Variants in FRYL observed in about 807,000 individuals in gnomAD.
FRYL encodes the protein protein furry homolog-like.
In FRYL, 150 loss-of-function variants were observed where a neutral mutation model predicts 351.2. The observed-to-expected ratio is 0.43, with a 90% CI of 0.37 to 0.49. FRYL has a LOEUF of 0.49. FRYL is among the 20% of genes least tolerant of loss of function. The pLI, the probability that FRYL is intolerant of heterozygous loss-of-function variation, is 0.00. For synonymous variants in FRYL, 1,153 were observed against 1,257.1 expected, an observed-to-expected ratio of 0.92 and a Z score of 1.75; for missense variants, 3,036 against 3,619.3, an observed-to-expected ratio of 0.84 and a Z score of 4.13.
intron 55 of FRYL, 66 bp from the exon 56 acceptor site, chr4:48,515,341 A>G (rs551586698): frequency 1.8e-5 from 20 of 1,136,506 alleles, no homozygotes; most frequent in African/African-American, 3.2e-5. Context: ...AACACAATAA[A>G]TAAGTATTGC....
In FRYL at chr4:48,622,143, G is replaced by A. The variant is rs373920723; in HGVS notation, c.174+983C>T. ...AAGCTATGAGGCACAATCATTTATA[G>A]TTTATTAATCATTTACAATAAAAAT... On this transcript the variant is annotated intron_variant, in intron 5 of 63. Transcript: ENST00000358350. 2.6e-4 allele frequency among the ~76,000 whole-genome samples: 39 copies of A among 152,178 alleles called. No individual in the cohort carries two copies. The East Asian group carries it at 4.8e-3, about 19-fold the overall frequency.
At chr4:48,663,006 A>G (rs1356862136) in intron 3 of FRYL, among the ~76,000 whole-genome samples, 1 of 152,194 alleles carries the variant, frequency 6.6e-6, no homozygotes, top group Non-Finnish European at 1.5e-5. Context: ...AAATCATGCA[A>G]GATGAAAACT....
At chr4:48,522,223 G>C (rs1209854925) in intron 54 of FRYL, among the ~76,000 whole-genome samples, 2 of 152,186 alleles carry the variant, frequency 1.3e-5, no homozygotes, top group Non-Finnish European at 2.9e-5. Flanking sequence ...TAAGAATACA[G>C]TGAGCTATGG....
intron 3 of FRYL, among the ~76,000 whole-genome samples, chr4:48,669,105 T>A (rs1038044082): frequency 6.6e-6 from 1 of 152,236 alleles, no homozygotes; most frequent in African/African-American, 2.4e-5. Context: ...TTTTAGTATG[T>A]TTTACTTGCT....
chr4:48,557,917 C>CA (rs1734490107), intron 33 of FRYL, among the ~76,000 whole-genome samples: 1 of 152,092 alleles, frequency 6.6e-6, no homozygotes, highest in African/African-American at 2.4e-5. Context: ...ACATTTTATA[C>CA]AAAATACTTT....
intron 15 of FRYL, among the ~76,000 whole-genome samples, chr4:48,594,858 C>T (rs1744275380): frequency 6.6e-6 from 1 of 152,176 alleles, no homozygotes. Flanking sequence ...CTTGTATTGG[C>T]TCATTAACAC....
chr4:48,548,095 A>G (rs1731779127), intron 40 of FRYL, among the ~76,000 whole-genome samples: 1 of 152,078 alleles, frequency 6.6e-6, no homozygotes, highest in Non-Finnish European at 1.5e-5. Flanking sequence ...TGTGCTTAGC[A>G]CATAACAGAA....
chr4:48,704,361 C>T (rs928486490), intron 2 of FRYL, among the ~76,000 whole-genome samples: 17 of 152,156 alleles, frequency 1.1e-4, no homozygotes, highest in African/African-American at 3.9e-4. Flanking sequence ...CAATGAGATT[C>T]CATCTGACAA....
chr4:48,765,691 C>A (rs1196511221), intron 1 of FRYL, among the ~76,000 whole-genome samples: 1 of 151,426 alleles, frequency 6.6e-6, no homozygotes, highest in African/African-American at 2.4e-5. Context: ...AAGGAAACAA[C>A]AAAATGAAAA....
At chr4:48,553,962 A>G (rs772113284) in intron 35 of FRYL, among the ~76,000 whole-genome samples, 16 of 152,230 alleles carry the variant, frequency 1.1e-4, no homozygotes, top group Non-Finnish European at 2.2e-4. Flanking sequence ...GGGGGTAGTA[A>G]TAGCACCTAC....
At chr4:48,548,510 G>C (rs1400016660) in intron 40 of FRYL, among the ~76,000 whole-genome samples, 180 bp downstream of exon 40, 1 of 152,130 alleles carries the variant, frequency 6.6e-6, no homozygotes, top group East Asian at 1.9e-4. Context: ...TTTGTTTGTG[G>C]TTAGAAGAGG....
intron 3 of FRYL, among the ~76,000 whole-genome samples, chr4:48,679,335 T>C (rs962948328): frequency 9.2e-5 from 14 of 152,134 alleles, no homozygotes; most frequent in Non-Finnish European, 1.8e-4. Context: ...GTAACTGGTA[T>C]TTTTTAAAAA....
chr4:48,571,112 G>A (rs529156691), intron 26 of FRYL, among the ~76,000 whole-genome samples, 194 bp from the exon 27 acceptor site: 2 of 152,198 alleles, frequency 1.3e-5, no homozygotes, highest in African/African-American at 4.8e-5. Context: ...GTCAAATAAG[G>A]TCACATGACA....
chr4:48,736,571 C>T (rs753484774), intron 1 of FRYL, among the ~76,000 whole-genome samples: 39 of 151,942 alleles, frequency 2.6e-4, no homozygotes, highest in Non-Finnish European at 4.9e-4. Flanking sequence ...ATAAACAGGC[C>T]GGGTACAGTG....
chr4:48,738,931 G>A (rs994955652), intron 1 of FRYL, among the ~76,000 whole-genome samples: 1 of 152,006 alleles, frequency 6.6e-6, no homozygotes, highest in Non-Finnish European at 1.5e-5. Flanking sequence ...AAGTTTATGT[G>A]GAAAGACAAA....
At chr4:48,627,785 A>G (rs1476111536) in intron 4 of FRYL, among the ~76,000 whole-genome samples, 1 of 152,096 alleles carries the variant, frequency 6.6e-6, no homozygotes, top group Non-Finnish European at 1.5e-5. Flanking sequence ...TTCAATATGT[A>G]AGTTTTTTTA....
At chr4:48,717,346 C>T (rs1768979365) in intron 1 of FRYL, among the ~76,000 whole-genome samples, 1 of 151,456 alleles carries the variant, frequency 6.6e-6, no homozygotes, top group African/African-American at 2.4e-5. Flanking sequence ...TATATGATTC[C>T]ATTTATATGA....
intron 1 of FRYL, among the ~76,000 whole-genome samples, chr4:48,755,465 A>T (rs1371357779): frequency 6.6e-6 from 1 of 152,214 alleles, no homozygotes; most frequent in Non-Finnish European, 1.5e-5. Flanking sequence ...GTATGCCTCA[A>T]CCAATCACAT....
chr4:48,654,704 T>C (rs1329629010), intron 3 of FRYL, among the ~76,000 whole-genome samples: 1 of 152,190 alleles, frequency 6.6e-6, no homozygotes, highest in African/African-American at 2.4e-5. Flanking sequence ...ATAGTCAAAA[T>C]GTCAATGAAT....
Sources: gnomAD v4.1 joint callset for allele counts (sites outside exome capture counted in the v4.1 genomes callset) on GRCh38, gnomAD v4.1.1 for gene constraint, MANE v1.5 for transcripts, NCBI Gene and HGNC (gene_info 2026-07-23, HGNC 2026-07-21) for gene names.